The following PRKCE variants were observed in gnomAD, a reference collection of about 807,000 sequenced individuals.
PRKCE encodes protein kinase C epsilon type.
Under a neutral mutation model 85.4 loss-of-function variants are expected in PRKCE, and 16 were observed. The observed-to-expected ratio is 0.19, with a 90% CI of 0.13 to 0.28. The LOEUF is 0.28. Among genes scored for constraint, PRKCE ranks in the 10% least tolerant of loss-of-function variants. The pLI, the probability that PRKCE is intolerant of heterozygous loss-of-function variation, is 1.00. For synonymous variants in PRKCE, 388 were observed against 371.5 expected, an observed-to-expected ratio of 1.04 and a Z score of -0.51; for missense variants, 573 against 975.2, an observed-to-expected ratio of 0.59 and a Z score of 5.49.
chr2:45,805,016 CT>C (rs1373008252), intron 1 of PRKCE, among the ~76,000 whole-genome samples: 10 of 150,498 alleles, frequency 6.6e-5, no homozygotes, highest in Non-Finnish European at 1.0e-4. Context: ...TCTAGAAAAC[CT>C]TTCTAGAATG....
intron 2 of PRKCE, among the ~76,000 whole-genome samples, chr2:45,922,798 G>A (rs1573892001): frequency 6.6e-6 from 1 of 152,344 alleles, no homozygotes; most frequent in East Asian, 1.9e-4. Context: ...GTGCAAACGG[G>A]TGTATCTTCC....
Position 46,155,737 on chromosome 2 carries a change from T to G in PRKCE, c.1921-3869T>G, listed in dbSNP as rs1677131381. Among the ~76,000 whole-genome samples the G allele has an allele frequency of 6.6e-6, 1 of 152,138 alleles. No individual in the cohort carries two copies. The highest frequency in any genetic ancestry group is 1.5e-5 in the Non-Finnish European group (1 of 68,028). ...GCAATCCCTCTCTCCCCATCACAGC[T>G]AGTCATCAAGTCCGTTCCCCCTGCT... On this transcript the variant is annotated intron_variant, in intron 13 of 14. Transcript: ENST00000306156. This position sits in a 1 kb window ranked among gnomAD's most constrained non-coding sequence, Gnocchi z 4.7.
chr2:46,100,917 G>A (rs1172556706), intron 11 of PRKCE, among the ~76,000 whole-genome samples: 2 of 151,856 alleles, frequency 1.3e-5, no homozygotes, highest in Admixed American at 1.3e-4. Flanking sequence ...CACCCATGCT[G>A]GAGTGTAGTA....
chr2:45,822,387 C>T (rs1689603504), intron 1 of PRKCE, among the ~76,000 whole-genome samples: 1 of 152,212 alleles, frequency 6.6e-6, no homozygotes, highest in African/African-American at 2.4e-5. Flanking sequence ...CATTGTGTAC[C>T]CACAAGCAAC....
intron 1 of PRKCE, among the ~76,000 whole-genome samples, chr2:45,761,094 A>G (rs553725168): frequency 8.5e-5 from 13 of 152,072 alleles, no homozygotes; most frequent in Non-Finnish European, 1.2e-4. Context: ...TTGGGAGGCC[A>G]AGGTGGGCGG....
intron 2 of PRKCE, among the ~76,000 whole-genome samples, chr2:45,894,060 C>T (rs1186186609): frequency 6.6e-6 from 1 of 152,202 alleles, no homozygotes. Context: ...GGCACCCAAA[C>T]ACTGTCCTGA....
In PRKCE at chr2:45,951,010, C is replaced by T. The variant is rs182285087; in HGVS notation, c.413-25419C>T. 9.5e-3 allele frequency among the ~76,000 whole-genome samples: 1,442 copies of T among 152,316 alleles called. 22 individuals are homozygous for T. The highest frequency in any genetic ancestry group is 0.032 in the African/African-American group (1,329 of 41,552). ...AAAAGCTCCAAATAGTGTCCTTGTACATCCCCAGTCATGACTGTGAATTGC... is the reference window on the plus strand; with the variant it reads ...AAAAGCTCCAAATAGTGTCCTTGTATATCCCCAGTCATGACTGTGAATTGC... On this transcript the variant is annotated intron_variant, in intron 2 of 14. Transcript: ENST00000306156.
chr2:46,126,206 C>G (rs72879727), intron 11 of PRKCE, among the ~76,000 whole-genome samples: 2,359 of 152,306 alleles, frequency 0.015, 57 homozygotes, highest in African/African-American at 0.052. Context: ...CTCTGGGTCT[C>G]TTCTTAACCC....
chr2:46,026,296 G>A (rs1304362160), intron 10 of PRKCE, among the ~76,000 whole-genome samples: 1 of 152,182 alleles, frequency 6.6e-6, no homozygotes, highest in Non-Finnish European at 1.5e-5. Context: ...AGGTAAAGAT[G>A]TGAAACCTAA....
intron 11 of PRKCE, among the ~76,000 whole-genome samples, chr2:46,100,715 G>C (rs1479954169): frequency 6.6e-6 from 1 of 152,226 alleles, no homozygotes; most frequent in African/African-American, 2.4e-5. Context: ...AATTTAAGCA[G>C]ACATTCATTT....
At chr2:45,678,638 T>TCAAAATATTATTTA in intron 1 of PRKCE, among the ~76,000 whole-genome samples, 1 of 152,362 alleles carries the variant, frequency 6.6e-6, no homozygotes, top group Non-Finnish European at 1.5e-5. Flanking sequence ...GGAACCTTTC[T>TCAAAATATTATTTA]TTCAAGATAA....
At chr2:45,794,845 A>ACCCCC (rs33982229) in intron 1 of PRKCE, among the ~76,000 whole-genome samples, 2 of 122,570 alleles carry the variant, frequency 1.6e-5, no homozygotes, top group African/African-American at 3.0e-5. Flanking sequence ...TTATTGCCCT[A>ACCCCC]CCCCCCCCCC....
chr2:46,135,581 A>G (rs2104432370), intron 11 of PRKCE, among the ~76,000 whole-genome samples: 1 of 152,252 alleles, frequency 6.6e-6, no homozygotes, highest in South Asian at 2.1e-4. Context: ...GAAGAAAAGT[A>G]GTTAATTGTG....
intron 1 of PRKCE, among the ~76,000 whole-genome samples, chr2:45,819,602 A>C (rs537984071): frequency 6.6e-6 from 1 of 152,272 alleles, no homozygotes; most frequent in Admixed American, 6.5e-5. Flanking sequence ...GCCTGGGGAC[A>C]GTCCAGGTGA....
At chr2:45,660,413 A>C in intron 1 of PRKCE, among the ~76,000 whole-genome samples, 1 of 152,068 alleles carries the variant, frequency 6.6e-6, no homozygotes, top group South Asian at 2.1e-4. Flanking sequence ...CAAAAGTAGG[A>C]ATTTTCTACC....
At chr2:45,885,138 A>C (rs941534394) in intron 2 of PRKCE, among the ~76,000 whole-genome samples, 1 of 151,898 alleles carries the variant, frequency 6.6e-6, no homozygotes, top group African/African-American at 2.4e-5. Context: ...GATTTAAAAC[A>C]AATGTTGAAA....
intron 1 of PRKCE, among the ~76,000 whole-genome samples, chr2:45,716,719 GAA>G (rs1680155603): frequency 1.8e-5 from 1 of 55,134 alleles, no homozygotes; most frequent in Non-Finnish European, 4.1e-5. Flanking sequence ...AGGAAGGAAG[GAA>G]GGAAGGAAGG....
At chr2:45,734,648 C>G (rs1435372522) in intron 1 of PRKCE, among the ~76,000 whole-genome samples, 1 of 152,208 alleles carries the variant, frequency 6.6e-6, no homozygotes, top group Non-Finnish European at 1.5e-5. Flanking sequence ...GCCTGGGCCT[C>G]TGTTGTGTGT....
intron 2 of PRKCE, among the ~76,000 whole-genome samples, chr2:45,914,787 C>T (rs1697638899): frequency 6.6e-6 from 1 of 152,128 alleles, no homozygotes; most frequent in Admixed American, 6.5e-5. Context: ...TAATGAATGC[C>T]ATGTATAGCT....
Sources: allele counts gnomAD v4.1 joint callset (sites outside exome capture counted in the v4.1 genomes callset), GRCh38; gene constraint gnomAD v4.1.1; non-coding constraint Gnocchi (gnomAD v3.1); transcripts MANE v1.5; gene names NCBI Gene and HGNC (gene_info 2026-07-23, HGNC 2026-07-21).